Variants in KIAA1328 observed in about 807,000 individuals in gnomAD.
KIAA1328 encodes protein hinderin.
A neutral mutation model predicts 68.1 loss-of-function variants in KIAA1328; 52 were observed. The observed-to-expected ratio is 0.76, with a 90% CI of 0.61 to 0.96. The LOEUF is 0.96. Among genes scored for constraint, KIAA1328 ranks in the 40% least tolerant of loss-of-function variants. The pLI is 0.00. For synonymous variants in KIAA1328, 232 were observed against 239.4 expected (o/e 0.97, Z 0.28); for missense variants, 641 against 677.6 (o/e 0.95, Z 0.60).
chr18:37,149,510 G>A (rs1030436312), intron 7 of KIAA1328, among the ~76,000 whole-genome samples: 3 of 152,030 alleles, frequency 2.0e-5, no homozygotes, highest in Admixed American at 6.6e-5. Flanking sequence ...ATTTCATAAC[G>A]AAATCCCCAA....
At chr18:36,838,590 C>T (rs533614012) in intron 3 of KIAA1328, among the ~76,000 whole-genome samples, 1 of 152,320 alleles carries the variant, frequency 6.6e-6, no homozygotes, top group East Asian at 1.9e-4. Flanking sequence ...TGTTGCTGCA[C>T]TGTTGCCTGG....
At chr18:37,125,206 GT>G (rs1470720503) in intron 7 of KIAA1328, among the ~76,000 whole-genome samples, 4 of 152,154 alleles carry the variant, frequency 2.6e-5, no homozygotes, top group African/African-American at 9.6e-5. Context: ...TGTAGTCCCA[GT>G]TGCTCAGGAG....
chr18:36,988,707 G>T (rs187803037), intron 6 of KIAA1328, among the ~76,000 whole-genome samples: 1 of 152,244 alleles, frequency 6.6e-6, no homozygotes, highest in Admixed American at 6.5e-5. Flanking sequence ...GAGCCAATAT[G>T]CTTGGGTTCC....
intron 5 of KIAA1328, among the ~76,000 whole-genome samples, chr18:36,912,923 G>A (rs1385135318): frequency 6.6e-6 from 1 of 152,136 alleles, no homozygotes; most frequent in East Asian, 1.9e-4. Context: ...GTTCAAAAAA[G>A]GAGAAAATAG....
chr18:36,987,356 G>A (rs2052972603), intron 6 of KIAA1328, among the ~76,000 whole-genome samples: 2 of 146,760 alleles, frequency 1.4e-5, no homozygotes, highest in Admixed American at 1.4e-4. Context: ...GATGGGGGAG[G>A]GGTAGCATTG....
chr18:37,107,058 A>G (rs1322250033), intron 7 of KIAA1328, among the ~76,000 whole-genome samples: 1 of 152,168 alleles, frequency 6.6e-6, no homozygotes, highest in Non-Finnish European at 1.5e-5. Context: ...ATTCTGGCCA[A>G]CATGGTGAAA....
chr18:37,103,261 GA>G (rs1440518168), intron 7 of KIAA1328, among the ~76,000 whole-genome samples: 1 of 152,100 alleles, frequency 6.6e-6, no homozygotes, highest in Non-Finnish European at 1.5e-5. Context: ...AGGTATATTA[GA>G]AAGGTATAGT....
At chr18:36,859,517 TTCCC>T (rs547527285) in intron 4 of KIAA1328, among the ~76,000 whole-genome samples, 17 of 151,450 alleles carry the variant, frequency 1.1e-4, no homozygotes, top group African/African-American at 3.6e-4. Context: ...CCTTCTTTTC[TTCCC>T]TCCCTCCCTC....
At chr18:37,114,302 A>C (rs1599320000) in intron 7 of KIAA1328, among the ~76,000 whole-genome samples, 1 of 152,324 alleles carries the variant, frequency 6.6e-6, no homozygotes, top group East Asian at 1.9e-4. Flanking sequence ...AAAGTATAAC[A>C]AACTGTCTCT....
intron 6 of KIAA1328, among the ~76,000 whole-genome samples, chr18:37,032,561 A>G (rs2054872642): frequency 6.6e-6 from 1 of 151,060 alleles, no homozygotes; most frequent in African/African-American, 2.4e-5. Context: ...TTTCTTTCTG[A>G]CTTAGCAATT....
intron 7 of KIAA1328, among the ~76,000 whole-genome samples, chr18:37,119,138 A>AT (rs1383835123): frequency 6.6e-6 from 1 of 152,176 alleles, no homozygotes; most frequent in Non-Finnish European, 1.5e-5. Flanking sequence ...AAGTCCATGG[A>AT]TGGTGGTTTT....
At chr18:37,018,126 C>T (rs540849757) in intron 6 of KIAA1328, among the ~76,000 whole-genome samples, 14 of 152,060 alleles carry the variant, frequency 9.2e-5, no homozygotes, top group African/African-American at 1.7e-4. Flanking sequence ...TTAGAACTCC[C>T]GTAAGGCTCT....
intron 7 of KIAA1328, among the ~76,000 whole-genome samples, chr18:37,077,992 T>G (rs375090812): frequency 6.6e-6 from 1 of 152,138 alleles, no homozygotes; most frequent in Non-Finnish European, 1.5e-5. Context: ...AAAGTTCATA[T>G]GGAACCAAAA....
At chr18:36,918,032 A>T (rs555724463) in intron 5 of KIAA1328, among the ~76,000 whole-genome samples, 12 of 151,376 alleles carry the variant, frequency 7.9e-5, no homozygotes, top group Admixed American at 7.9e-4. Flanking sequence ...GTTGTTTTCT[A>T]TGGGAGGATT....
intron 4 of KIAA1328, among the ~76,000 whole-genome samples, chr18:36,852,468 G>T (rs1428137660): frequency 6.6e-6 from 1 of 152,136 alleles, no homozygotes; most frequent in Non-Finnish European, 1.5e-5. Flanking sequence ...AATGCTGAGG[G>T]CAGTCACGAC....
At chr18:36,901,628 C>T (rs912003069) in intron 5 of KIAA1328, among the ~76,000 whole-genome samples, 4 of 152,008 alleles carry the variant, frequency 2.6e-5, no homozygotes, top group South Asian at 2.1e-4. Context: ...CAGCTCAGGG[C>T]GGCATTTTAC....
chr18:36,838,586 T>A (rs979552127), intron 3 of KIAA1328, among the ~76,000 whole-genome samples: 1 of 152,252 alleles, frequency 6.6e-6, no homozygotes, highest in African/African-American at 2.4e-5. Flanking sequence ...AAGATGTTGC[T>A]GCACTGTTGC....
Position 37,222,157 on chromosome 18 carries a change from AG to A in KIAA1328, c.1665del (p.Met556TrpfsTer39), listed in dbSNP as rs1318764787. The A allele has an allele frequency of 2.4e-5, 38 of 1,607,846 alleles. No individual in the cohort carries two copies. Among genetic ancestry groups the A allele is most frequent in the Non-Finnish European group, 3.2e-5 (38 of 1,176,894 alleles). On this transcript the variant is annotated frameshift_variant, in exon 10 of 10. Transcript: ENST00000280020. LOFTEE classifies it high-confidence loss of function. ...RLSPLKSTRKKMGMHRTPEEL... is the reference protein window; with the variant it reads ...RLSPLKSTRKXMGMHRTPEEL... ...AGTCCTCTAAAATCAACCCGGAAGA[AG>A]ATGGGGATGCACAGAACCCCTGAAG...
At chr18:37,120,917 G>T (rs1032510393) in intron 7 of KIAA1328, among the ~76,000 whole-genome samples, 16 of 152,142 alleles carry the variant, frequency 1.1e-4, no homozygotes, top group Non-Finnish European at 1.5e-5. Context: ...GAAGCATCGA[G>T]ATTTTAGAAA....
Sources: gnomAD v4.1 joint callset for allele counts (sites outside exome capture counted in the v4.1 genomes callset) on GRCh38, gnomAD v4.1.1 for gene constraint, MANE v1.5 for transcripts, NCBI Gene and HGNC (gene_info 2026-07-23, HGNC 2026-07-21) for gene names.